ASS1: variants seen among roughly 807,000 people sequenced by gnomAD.
ASS1 encodes the protein argininosuccinate synthase 1, also known as argininosuccinate synthase.
A neutral mutation model predicts 60.5 loss-of-function variants in ASS1; 58 were observed. The observed-to-expected ratio is 0.96, with a 90% confidence interval of 0.78 to 1.19. The LOEUF (loss-of-function observed/expected upper bound fraction) is 1.19. Ranked by LOEUF, ASS1 falls within the 50% of genes most tolerant of loss-of-function variation. The pLI is 0.00. For synonymous variants in ASS1, 200 were observed against 206.9 expected (o/e 0.97, Z 0.29); for missense variants, 454 against 547.3 (o/e 0.83, Z 1.70).
At chr9:130,500,066 G>T (rs1341486005) in intron 14 of ASS1, among the ~76,000 whole-genome samples, 2 of 152,134 alleles carry the variant, frequency 1.3e-5, no homozygotes, top group Non-Finnish European at 2.9e-5. Flanking sequence ...ACCAGTAAGA[G>T]TGTCAGCTGT....
intron 4 of ASS1, among the ~76,000 whole-genome samples, chr9:130,461,429 C>A (rs908362259): frequency 6.6e-6 from 1 of 151,984 alleles, no homozygotes; most frequent in African/African-American, 2.4e-5. Context: ...GTCCTCTGTT[C>A]CCCATCCTGG....
At chr9:130,486,668 A>T (rs666971) in intron 11 of ASS1, among the ~76,000 whole-genome samples, 2 of 152,022 alleles carry the variant, frequency 1.3e-5, no homozygotes, top group South Asian at 4.1e-4. Flanking sequence ...GACGGTGGAC[A>T]TGCCGAAGGC....
At chr9:130,486,375 G>A (rs762617504) in intron 11 of ASS1, among the ~76,000 whole-genome samples, 3 of 152,152 alleles carry the variant, frequency 2.0e-5, no homozygotes, top group Non-Finnish European at 4.4e-5. Flanking sequence ...ACAGGTGTGA[G>A]CCCCCGCATA....
At chr9:130,448,212 C>T (rs1268972049) in intron 1 of ASS1, among the ~76,000 whole-genome samples, 1 of 152,036 alleles carries the variant, frequency 6.6e-6, no homozygotes, top group African/African-American at 2.4e-5. Flanking sequence ...GCTGGGAGGG[C>T]AGGAGCAACG....
chr9:130,465,058 T>A (rs1215977), intron 5 of ASS1, among the ~76,000 whole-genome samples: 8,903 of 129,500 alleles, frequency 0.069, 306 homozygotes, highest in Admixed American at 0.12. Flanking sequence ...ATATATATAT[T>A]TTTTTTTTTT....
At chr9:130,447,109 G>T (rs748246103) in intron 1 of ASS1, among the ~76,000 whole-genome samples, 15 of 152,356 alleles carry the variant, frequency 9.8e-5, no homozygotes, top group Non-Finnish European at 1.9e-4. Context: ...TAGCACACAG[G>T]CTCTCCAGAG....
chr9:130,461,848 C>T (rs531651483), intron 4 of ASS1, among the ~76,000 whole-genome samples: 50 of 152,286 alleles, frequency 3.3e-4, no homozygotes, highest in African/African-American at 1.0e-3. Flanking sequence ...GGCGCCATCA[C>T]GGGGGACGGG....
At position 130,476,796 on chromosome 9, in the gene ASS1, T is replaced by A; in HGVS notation, c.598-75T>A. The A allele has an allele frequency of 2.2e-6, 3 of 1,368,406 alleles. No homozygotes were observed. The highest frequency in any genetic ancestry group is 1.7e-5 in the Admixed American group (1 of 59,648). 84.8% of individuals were successfully genotyped at this position (1,368,406 alleles called of 1,614,324 possible). On this transcript the variant is annotated intron_variant, in intron 8 of 14. Coordinates refer to ENST00000352480, the MANE Select transcript of ASS1 (RefSeq NM_054012.4). The surrounding 1 kb of genome is among the most constrained non-coding windows in gnomAD (Gnocchi z 4.9). ...AATGGACAGAGGAGAGGGGTGCAGA[T>A]CCCCGCGGGAGGTGGGCTGTAGGGT...
chr9:130,474,962 T>C (rs1052651695), intron 8 of ASS1, among the ~76,000 whole-genome samples: 2 of 152,206 alleles, frequency 1.3e-5, no homozygotes, highest in African/African-American at 4.8e-5. Flanking sequence ...GCCCCACAAA[T>C]GGGCACTGAT....
chr9:130,495,013 G>T lies in ASS1; in HGVS notation c.1117G>T (p.Glu373Ter), dbSNP rs1453708640. ...RESPLSLYNE[E>*]LVSMNVQGDY... ...GTCCCCACTGTCTCTCTACAATGAG[G>T]AGCTGGTGAGGTAGGTGCCCCACAC... The change falls in exon 13 of 15, where the codon GAG becomes TAG. Residue 373 changes from glutamate (E) to a stop codon, truncating the protein, a stop_gained. Coordinates refer to ENST00000352480, the MANE Select transcript of ASS1 (RefSeq NM_054012.4). LOFTEE classifies it high-confidence loss of function. The T allele has an allele frequency of 6.2e-7, 1 of 1,611,844 alleles. No individual in the cohort carries two copies. The highest frequency in any genetic ancestry group is 8.5e-7 in the Non-Finnish European group (1 of 1,179,472).
intron 1 of ASS1, among the ~76,000 whole-genome samples, chr9:130,447,902 T>C (rs767104783): frequency 4.6e-5 from 7 of 152,078 alleles, no homozygotes; most frequent in Admixed American, 6.5e-5. Context: ...TCTGGGCTCC[T>C]TCCCCCAGCA....
At chr9:130,462,873 A>G (rs1845635414) in intron 4 of ASS1, among the ~76,000 whole-genome samples, 1 of 152,172 alleles carries the variant, frequency 6.6e-6, no homozygotes. Flanking sequence ...GTGAACCGTT[A>G]GGATGAGCGA....
chr9:130,458,438 A>C lies in ASS1; in HGVS notation c.212A>C (p.Glu71Ala). The C allele has an allele frequency of 1.9e-6, 3 of 1,611,942 alleles. No individual in the cohort carries two copies. The highest frequency in any genetic ancestry group is 2.5e-6 in the Non-Finnish European group (3 of 1,179,846). ...IEDVSREFVE[E>A]FIWPAIQSSA... ...GATGTCAGCAGGGAGTTTGTGGAGG[A>C]GTTCATCTGGCCGGCCATCCAGTCC... Residue 71 changes from glutamate (E) to alanine (A), a missense_variant, in exon 4 of 15, where the codon GAG (glutamate) becomes GCG (alanine). Glu to Ala is a moderately radical substitution (Grantham distance 107). Transcript: ENST00000352480.
intron 4 of ASS1, among the ~76,000 whole-genome samples, chr9:130,463,619 A>T (rs2131879269): frequency 6.6e-6 from 1 of 152,272 alleles, no homozygotes; most frequent in East Asian, 1.9e-4. Context: ...CTCCTCCCTG[A>T]CACCAGCCAT....
intron 4 of ASS1, among the ~76,000 whole-genome samples, chr9:130,460,719 A>G (rs1845569283): frequency 6.6e-6 from 1 of 152,176 alleles, no homozygotes; most frequent in African/African-American, 2.4e-5. Context: ...GTTTGGCTTC[A>G]TCCTGAGGGC....
At chr9:130,461,272 C>T (rs373516029) in intron 4 of ASS1, among the ~76,000 whole-genome samples, 146 of 152,194 alleles carry the variant, frequency 9.6e-4, no homozygotes, top group African/African-American at 3.4e-3. Context: ...CGGAGACCCC[C>T]ACCCCGGACC....
intron 6 of ASS1, among the ~76,000 whole-genome samples, chr9:130,467,067 A>T (rs1406939789): frequency 6.6e-6 from 1 of 151,078 alleles, no homozygotes; most frequent in Non-Finnish European, 1.5e-5. Flanking sequence ...CACAGGGCTC[A>T]CTCTCTCTCC....
At chr9:130,484,079 A>G (rs1846239736) in intron 11 of ASS1, among the ~76,000 whole-genome samples, 1 of 152,142 alleles carries the variant, frequency 6.6e-6, no homozygotes, top group South Asian at 2.1e-4. Context: ...GAGGATGGCT[A>G]GAGTCCCACC....
Position 130,458,493 on chromosome 9 carries a change from G to C in ASS1, c.267G>C (p.Leu89=). 1 of 1,612,782 alleles carries C rather than the reference G, an allele frequency of 6.2e-7. No individual in the cohort carries two copies. Among genetic ancestry groups the C allele is most frequent in the Non-Finnish European group, 8.5e-7 (1 of 1,179,870 alleles). The change falls in exon 4 of 15, where the codon CTG becomes CTC. Residue 89 remains leucine, a synonymous_variant. Transcript: ENST00000352480. The part of the protein sequence containing the change: ...SSALYEDRYL[L]GTSLARPCIA... ...CACTGTATGAGGACCGCTACCTCCTGGGCACCTCTCTTGCCAGGCCCTGCA... is the reference window on the plus strand; with the variant it reads ...CACTGTATGAGGACCGCTACCTCCTCGGCACCTCTCTTGCCAGGCCCTGCA...
Sources: allele counts gnomAD v4.1 joint callset (sites outside exome capture counted in the v4.1 genomes callset), GRCh38; gene constraint gnomAD v4.1.1; non-coding constraint Gnocchi (gnomAD v3.1); transcripts MANE v1.5; gene names NCBI Gene and HGNC (gene_info 2026-07-23, HGNC 2026-07-21).